The following EBF3 variants were observed in gnomAD, a reference collection of about 807,000 sequenced individuals.
The protein encoded by EBF3 is transcription factor COE3.
Under a neutral mutation model 77.1 loss-of-function variants are expected in EBF3, and 18 were observed. That is an observed-to-expected ratio of 0.23 (90% CI 0.16 to 0.35). The LOEUF is 0.35. Ranked by LOEUF, EBF3 falls within the 10% of genes least tolerant of loss-of-function variation. The pLI is 1.00. For synonymous variants in EBF3, 350 were observed against 343.5 expected (o/e 1.02, Z -0.21); for missense variants, 558 against 860.0 (o/e 0.65, Z 4.39).
intron 6 of EBF3, among the ~76,000 whole-genome samples, chr10:129,888,191 CG>C (rs1853750256): frequency 6.6e-6 from 1 of 152,208 alleles, no homozygotes; most frequent in Non-Finnish European, 1.5e-5. Flanking sequence ...ATTTTCCTGT[CG>C]GGGAGCAGCA....
intron 6 of EBF3, among the ~76,000 whole-genome samples, chr10:129,894,657 G>A (rs1854246815): frequency 6.6e-6 from 1 of 152,216 alleles, no homozygotes; most frequent in Admixed American, 6.5e-5. Flanking sequence ...GGTTGCAGCA[G>A]CCATGGCTCT....
At chr10:129,886,384 G>A (rs1362407499) in intron 6 of EBF3, among the ~76,000 whole-genome samples, 1 of 152,202 alleles carries the variant, frequency 6.6e-6, no homozygotes, top group Non-Finnish European at 1.5e-5. Context: ...TGTGTGCAAA[G>A]CCTTAACTTC....
chr10:129,948,320 T>C (rs968039609), intron 6 of EBF3, among the ~76,000 whole-genome samples: 3 of 147,768 alleles, frequency 2.0e-5, no homozygotes, highest in African/African-American at 7.6e-5. Context: ...CTACATAATG[T>C]ATGCTACCAA....
At chr10:129,908,249 C>G (rs1467055617) in intron 6 of EBF3, among the ~76,000 whole-genome samples, 1 of 152,076 alleles carries the variant, frequency 6.6e-6, no homozygotes, top group Non-Finnish European at 1.5e-5. Flanking sequence ...CAAGAAATAG[C>G]GGGAGGATTT....
At chr10:129,844,479 A>C (rs1850312471) in intron 11 of EBF3, among the ~76,000 whole-genome samples, 2 of 152,140 alleles carry the variant, frequency 1.3e-5, no homozygotes. Context: ...GGTGGGAAGC[A>C]GGCCCGTAAT....
intron 6 of EBF3, among the ~76,000 whole-genome samples, chr10:129,902,230 A>ATTTTTT (rs34324443): frequency 1.4e-5 from 2 of 142,256 alleles, no homozygotes; most frequent in African/African-American, 2.6e-5. Context: ...ACTTCCAGAC[A>ATTTTTT]TTTTTTTTTT....
At chr10:129,948,894 G>A (rs1858448228) in intron 6 of EBF3, among the ~76,000 whole-genome samples, 1 of 152,188 alleles carries the variant, frequency 6.6e-6, no homozygotes, top group Non-Finnish European at 1.5e-5. Context: ...ATTCTGCAGA[G>A]CCGGACGTGT....
chr10:129,917,650 T>TAAAAAA (rs1258587841), intron 6 of EBF3, among the ~76,000 whole-genome samples: 1 of 2,474 alleles, frequency 4.0e-4, no homozygotes, highest in Admixed American at 7.9e-3. Context: ...AGACCCTGCC[T>TAAAAAA]CAAAAAAAAA....
At chr10:129,869,306 C>T (rs1357078445) in intron 8 of EBF3, among the ~76,000 whole-genome samples, 1 of 152,160 alleles carries the variant, frequency 6.6e-6, no homozygotes, top group South Asian at 2.1e-4. Context: ...GCCCTTCCGT[C>T]GCTCACAGCA....
intron 15 of EBF3, among the ~76,000 whole-genome samples, chr10:129,839,399 A>G (rs1167140977): frequency 6.6e-6 from 1 of 152,218 alleles, no homozygotes; most frequent in African/African-American, 2.4e-5. Flanking sequence ...GGGGGCACCC[A>G]TGTGGCTCTG....
chr10:129,868,499 G>A (rs1330296442), intron 8 of EBF3, among the ~76,000 whole-genome samples: 1 of 152,202 alleles, frequency 6.6e-6, no homozygotes, highest in African/African-American at 2.4e-5. Context: ...TTGTCGACAG[G>A]GATCCCCGCG....
chr10:129,880,129 C>T (rs1043500214), intron 6 of EBF3, among the ~76,000 whole-genome samples: 1 of 152,200 alleles, frequency 6.6e-6, no homozygotes, highest in African/African-American at 2.4e-5. Flanking sequence ...AACTAGCCCT[C>T]ACTCGGCACT....
chr10:129,873,732 T>A, intron 7 of EBF3, 136 bp from the exon 8 acceptor site: 1 of 968,658 alleles, frequency 1.0e-6, no homozygotes, highest in Non-Finnish European at 1.4e-6. Flanking sequence ...TTGATCGATG[T>A]GCGTTCACAG....
intron 6 of EBF3, among the ~76,000 whole-genome samples, chr10:129,880,301 A>C (rs1853101706): frequency 6.6e-6 from 1 of 151,974 alleles, no homozygotes; most frequent in South Asian, 2.1e-4. Flanking sequence ...CACACATGCC[A>C]CCCACACATA....
intron 7 of EBF3, among the ~76,000 whole-genome samples, chr10:129,875,485 C>T (rs548614970): frequency 1.2e-4 from 18 of 152,230 alleles, no homozygotes; most frequent in Admixed American, 8.5e-4. Context: ...CGTGAGCCAC[C>T]GCGCCCGGCC....
chr10:129,926,681 GT>G (rs1856698077), intron 6 of EBF3, among the ~76,000 whole-genome samples: 1 of 152,158 alleles, frequency 6.6e-6, no homozygotes, highest in Non-Finnish European at 1.5e-5. Flanking sequence ...CCCAAAAAAG[GT>G]GTGGAATAAA....
intron 6 of EBF3, among the ~76,000 whole-genome samples, chr10:129,925,941 A>G (rs945983442): frequency 2.0e-5 from 3 of 152,134 alleles, no homozygotes; most frequent in African/African-American, 7.2e-5. Flanking sequence ...GGGCCAGTGA[A>G]GATCTGTGGA....
At position 129,863,700 on chromosome 10, in the gene EBF3, G is replaced by A. The variant is rs1048051078; in HGVS notation, c.1039+3441C>T. ...AAGGGGCTGGCTCAGTTTTCAGCGG[G>A]GGAGTGCAATTCCCGGTGATTACCT... On this transcript the variant is annotated intron_variant, in intron 10 of 16. Transcript: ENST00000440978. This position sits in a 1 kb window ranked among gnomAD's most constrained non-coding sequence, Gnocchi z 4.0. Among the ~76,000 whole-genome samples, 3 of 152,184 alleles carry A rather than the reference G, an allele frequency of 2.0e-5. No individual in the cohort carries two copies. Among genetic ancestry groups the A allele is most frequent in the African/African-American group, 7.2e-5 (3 of 41,454 alleles).
intron 10 of EBF3, among the ~76,000 whole-genome samples, chr10:129,862,963 C>A (rs77872323): frequency 6.6e-6 from 1 of 152,292 alleles, no homozygotes; most frequent in Admixed American, 6.5e-5. Context: ...AAGCAAATGG[C>A]ACACTGTTAG....
Sources: allele counts gnomAD v4.1 joint callset (sites outside exome capture counted in the v4.1 genomes callset), GRCh38; gene constraint gnomAD v4.1.1; non-coding constraint Gnocchi (gnomAD v3.1); transcripts MANE v1.5; gene names NCBI Gene and HGNC (gene_info 2026-07-23, HGNC 2026-07-21).